MEIKIN: variants seen among roughly 807,000 people sequenced by gnomAD.
MEIKIN encodes the protein meiosis-specific kinetochore protein.
intron 5 of MEIKIN, among the ~76,000 whole-genome samples, chr5:131,923,734 A>T (rs1751544515): frequency 6.6e-6 from 1 of 151,004 alleles, no homozygotes; most frequent in Admixed American, 6.6e-5. Flanking sequence ...CCTTGTTCCT[A>T]TTTCTCCTTG....
At chr5:131,920,603 T>C (rs1161032804) in intron 6 of MEIKIN, among the ~76,000 whole-genome samples, 1 of 152,116 alleles carries the variant, frequency 6.6e-6, no homozygotes, top group Non-Finnish European at 1.5e-5. Context: ...CAAATAAAAA[T>C]GGGGGGACAT....
chr5:131,875,355 G>C (rs1324678985), intron 9 of MEIKIN, among the ~76,000 whole-genome samples: 18 of 152,058 alleles, frequency 1.2e-4, no homozygotes, highest in East Asian at 3.9e-4. Flanking sequence ...CAATAACAGA[G>C]AAACAGAGAG....
intron 4 of MEIKIN, among the ~76,000 whole-genome samples, chr5:131,940,746 G>C (rs1751854709): frequency 6.6e-6 from 1 of 152,074 alleles, no homozygotes; most frequent in Non-Finnish European, 1.5e-5. Context: ...AGGTGACATG[G>C]GGGCACTGCC....
chr5:131,829,780 T>C (rs1376404099), intron 11 of MEIKIN, among the ~76,000 whole-genome samples: 1 of 152,000 alleles, frequency 6.6e-6, no homozygotes, highest in African/African-American at 2.4e-5. Context: ...AGATGGGAAG[T>C]AGATATTGGA....
chr5:131,898,725 C>T (rs182437031), intron 8 of MEIKIN, among the ~76,000 whole-genome samples: 36 of 152,336 alleles, frequency 2.4e-4, no homozygotes, highest in African/African-American at 7.0e-4. Flanking sequence ...CATGGGACCC[C>T]GTGAGCGAGG....
chr5:131,866,561 C>T (rs779866983), intron 9 of MEIKIN, among the ~76,000 whole-genome samples: 1 of 152,188 alleles, frequency 6.6e-6, no homozygotes, highest in African/African-American at 2.4e-5. Context: ...CTGAAAGGGA[C>T]TGGCTTCATC....
At chr5:131,936,256 TA>T (rs1580915479) in intron 4 of MEIKIN, among the ~76,000 whole-genome samples, 1 of 152,374 alleles carries the variant, frequency 6.6e-6, no homozygotes, top group East Asian at 1.9e-4. Flanking sequence ...TGTTCATTGT[TA>T]AAATGACAAA....
At position 131,920,051 on chromosome 5, in the gene MEIKIN, C is replaced by T. The variant is rs57130171; in HGVS notation, c.598+1771G>A. On this transcript the variant is annotated intron_variant, in intron 6 of 12. Transcript: ENST00000442687. ...TAACTTTGGAAAATTAGTATTTTGA[C>T]TGGATGCTGTAATGCTAAAGACAAA... 5.5e-3 allele frequency among the ~76,000 whole-genome samples: 842 copies of T among 152,228 alleles called. 6 individuals carry two copies. Among genetic ancestry groups the T allele is most frequent in the Middle Eastern group, 0.02 (6 of 294 alleles).
At chr5:131,880,929 T>C (rs966968962) in intron 8 of MEIKIN, among the ~76,000 whole-genome samples, 1 of 152,226 alleles carries the variant, frequency 6.6e-6, no homozygotes, top group Non-Finnish European at 1.5e-5. Flanking sequence ...GACATACTTA[T>C]CTTAAAAATT....
At chr5:131,900,391 A>G (rs184174931) in intron 8 of MEIKIN, among the ~76,000 whole-genome samples, 32 of 152,282 alleles carry the variant, frequency 2.1e-4, no homozygotes, top group Non-Finnish European at 2.9e-4. Flanking sequence ...CCTGGCCCCA[A>G]TGACTCCTGG....
At chr5:131,891,635 A>G (rs1750920627) in intron 8 of MEIKIN, among the ~76,000 whole-genome samples, 2 of 152,238 alleles carry the variant, frequency 1.3e-5, no homozygotes, top group South Asian at 2.1e-4. Flanking sequence ...GGTTTCCTGA[A>G]TACAGCACAC....
chr5:131,921,932 C>A lies in MEIKIN; in HGVS notation c.488G>T (p.Cys163Phe). The change falls in exon 6 of 13, where the codon TGT (cysteine) becomes TTT (phenylalanine). Residue 163 changes from cysteine (C) to phenylalanine (F), a missense_variant. Coordinates refer to ENST00000442687, the MANE Select transcript of MEIKIN (RefSeq NM_001303622.2). ...FRKSDYLDWE[C>F]PNLEEHMQWK... Reference sequence around the variant, plus strand: ...CTGCATGTGTTCTTCCAAGTTGGGACACTCCCAGTCTAAAACAGCAGAGAA... The same window carrying A: ...CTGCATGTGTTCTTCCAAGTTGGGAAACTCCCAGTCTAAAACAGCAGAGAA... 3 of 398,894 alleles carry A rather than the reference C, an allele frequency of 7.5e-6. No individual in the cohort carries two copies. In the East Asian group the frequency reaches 1.1e-4, roughly 14 times the overall value. The allele number at this position is 398,894 out of a possible 1,614,324, so 24.7% of individuals were successfully genotyped here.
In MEIKIN at chr5:131,874,929, A is replaced by C. The variant is rs555444101; in HGVS notation, c.774+4049T>G. ...TCTCAAAGATGCAGAAAAGGCCTTC[A>C]ACAAAATTCAACAACACTTCATGCT... On this transcript the variant is annotated intron_variant, in intron 9 of 12. Transcript: ENST00000442687. Among the ~76,000 whole-genome samples the C allele has an allele frequency of 2.6e-5, 4 of 152,338 alleles. No individual in the cohort carries two copies. In the South Asian group the frequency reaches 8.3e-4, roughly 32 times the overall value.
At chr5:131,816,686 T>TTC (rs1251894986) in intron 12 of MEIKIN, among the ~76,000 whole-genome samples, 2 of 152,252 alleles carry the variant, frequency 1.3e-5, no homozygotes, top group Non-Finnish European at 2.9e-5. Context: ...AATTGGCTTT[T>TTC]TCTTTTGTAG....
intron 4 of MEIKIN, among the ~76,000 whole-genome samples, chr5:131,939,230 C>G (rs1751830747): frequency 6.6e-6 from 1 of 152,170 alleles, no homozygotes; most frequent in South Asian, 2.1e-4. Flanking sequence ...ATCAAAGCAT[C>G]TAACTGTTAC....
At chr5:131,842,780 T>C (rs1281046501) in intron 11 of MEIKIN, among the ~76,000 whole-genome samples, 3 of 152,242 alleles carry the variant, frequency 2.0e-5, no homozygotes, top group Admixed American at 2.0e-4. Context: ...ACTCCACCCT[T>C]CCACATTTTA....
At chr5:131,854,528 G>C (rs867195022) in intron 10 of MEIKIN, among the ~76,000 whole-genome samples, 1 of 151,914 alleles carries the variant, frequency 6.6e-6, no homozygotes, top group Non-Finnish European at 1.5e-5. Context: ...AAACTGAAAG[G>C]AAAAAACAGA....
At chr5:131,859,496 T>C (rs776893731) in intron 9 of MEIKIN, among the ~76,000 whole-genome samples, 26 of 152,244 alleles carry the variant, frequency 1.7e-4, no homozygotes, top group Non-Finnish European at 3.5e-4. Context: ...TCTGGTTGTT[T>C]AAAAGTATAG....
At position 131,932,843 on chromosome 5, in the gene MEIKIN, A is replaced by G. The variant is rs1202802728; in HGVS notation, c.478+670T>C. Reference sequence around the variant, plus strand: ...AAGCATTTGGCACAACCAAATTATGAGCTTTTCTGTGACACTATAGTGCAA... The same window carrying G: ...AAGCATTTGGCACAACCAAATTATGGGCTTTTCTGTGACACTATAGTGCAA... On this transcript the variant is annotated intron_variant, in intron 5 of 12. Coordinates refer to ENST00000442687, the MANE Select transcript of MEIKIN (RefSeq NM_001303622.2). Among the ~76,000 whole-genome samples the G allele has an allele frequency of 3.9e-5, 6 of 152,268 alleles. No homozygotes were observed. In the South Asian group the frequency reaches 1.2e-3, roughly 32 times the overall value.
Sources: gnomAD v4.1 joint callset for allele counts (sites outside exome capture counted in the v4.1 genomes callset) on GRCh38, gnomAD v4.1.1 for gene constraint, MANE v1.5 for transcripts, NCBI Gene and HGNC (gene_info 2026-07-23, HGNC 2026-07-21) for gene names.